The following PSG7 variants were observed in gnomAD, a reference collection of about 807,000 sequenced individuals.
The protein encoded by PSG7 is pregnancy specific beta-1-glycoprotein 7, also known as pregnancy-specific beta-1-glycoprotein 7.
In PSG7, 57 loss-of-function variants were observed where a neutral mutation model predicts 45.6. The ratio of observed to expected loss-of-function variants is 1.25; its 90% CI spans 1.01 to 1.56. PSG7 has a LOEUF of 1.56. Ranked by LOEUF, PSG7 falls within the 40% of genes most tolerant of loss-of-function variation. The pLI, the probability that PSG7 is intolerant of heterozygous loss-of-function variation, is 0.00. For synonymous variants in PSG7, 298 were observed against 194.4 expected (o/e 1.53, Z -4.43); for missense variants, 796 against 508.4 (o/e 1.57, Z -5.44).
At position 42,925,854 on chromosome 19, in the gene PSG7, G is replaced by A; in HGVS notation, c.1162C>T (p.His388Tyr). ...ACAGAGCAAGCATAGAGCCCGCTAT[G>A]CTTTGTAGTAATCTGGGGGATAGAA... The part of the protein sequence containing the change: ...KLSIPQITTK[H>Y]SGLYACSVRN... The change falls in exon 5 of 6, where the codon CAT (histidine) becomes TAT (tyrosine). Residue 388 changes from histidine to tyrosine, a missense_variant. His to Tyr is a moderately conservative substitution (Grantham distance 83). Transcript: ENST00000406070. The A allele has an allele frequency of 1.2e-6, 2 of 1,612,080 alleles. No homozygotes were observed. The highest frequency in any genetic ancestry group is 1.7e-6 in the Non-Finnish European group (2 of 1,179,074).
At chr19:42,934,028 T>A (rs73553550) in intron 2 of PSG7, among the ~76,000 whole-genome samples, 1 of 151,202 alleles carries the variant, frequency 6.6e-6, no homozygotes, top group African/African-American at 2.4e-5. Flanking sequence ...TCAATTCCTT[T>A]ATTTGTTATG....
chr19:42,929,725 G>A lies in PSG7; in HGVS notation c.431-5C>T, dbSNP rs201771799. The stretch of plus-strand genomic sequence containing the variant: ...TGGAGGGTTTGGGAGTCTCCACTGT[G>A]CGGAAAACAGAGAGAAGATTGCCCT... On this transcript the variant is annotated splice_polypyrimidine_tract_variant and splice_region_variant and intron_variant, in intron 2 of 5. Transcript: ENST00000406070. The A allele has an allele frequency of 4.3e-5, 70 of 1,610,176 alleles. 2 individuals are homozygous for A. Among genetic ancestry groups the A allele is most frequent in the Admixed American group, 1.8e-4 (11 of 59,726 alleles).
chr19:42,929,464 G>T lies in PSG7; in HGVS notation c.687C>A (p.Asp229Glu). 6.2e-7 allele frequency: 1 copy of T among 1,612,592 alleles called. No homozygotes were observed. Among genetic ancestry groups the T allele is most frequent in the Non-Finnish European group, 8.5e-7 (1 of 1,179,176 alleles). The change falls in exon 3 of 6, where the codon GAC (aspartate) becomes GAA (glutamate). Residue 229 changes from aspartate (D) to glutamate (E), a missense_variant. By Grantham distance (45) the Asp-to-Glu change is conservative (BLOSUM62 2). Coordinates refer to ENST00000406070, the MANE Select transcript of PSG7 (RefSeq NM_002783.3). ...IRNPVSASRS[D>E]PVTLNLLPKL... Reference sequence around the variant, plus strand: ...CACGGAGGAGATTCAGGGTGACTGGGTCACTGCGGCTGGCACTCACTGGGT... The same window carrying T: ...CACGGAGGAGATTCAGGGTGACTGGTTCACTGCGGCTGGCACTCACTGGGT...
Position 42,925,806 on chromosome 19 carries a change from C to G in PSG7, c.1210G>C (p.Glu404Gln). The G allele has an allele frequency of 6.2e-7, 1 of 1,612,072 alleles. No individual in the cohort carries two copies. ...CSVRNSATGK[E>Q]SSKSVTVRVS... ...CTGACTGTCACGGATTTGGAGCTTT[C>G]CTTGCCAGTGGCTGAGTTACGAACA... The change falls in exon 5 of 6, where the codon GAA becomes CAA. Residue 404 changes from glutamate (E) to glutamine (Q), a missense_variant. Coordinates refer to ENST00000406070, the MANE Select transcript of PSG7 (RefSeq NM_002783.3).
Position 42,926,480 on chromosome 19 carries a change from A to C in PSG7, c.946T>G (p.Tyr316Asp), listed in dbSNP as rs368588330. ...GPYQCEIRDR[Y>D]GGIRSDPVTL... ...ACTGGGTCACTGCGGATGCCACCAT[A>C]TCGGTCCCGTATTTCACATTGATAG... Residue 316 changes from tyrosine to aspartate, a missense_variant, in exon 4 of 6, where the codon TAT becomes GAT. By Grantham distance (160) the Tyr-to-Asp change is radical. Coordinates refer to ENST00000406070, the MANE Select transcript of PSG7 (RefSeq NM_002783.3). 4 of 1,611,526 alleles carry C rather than the reference A, an allele frequency of 2.5e-6. 1 individual carries two copies. Among genetic ancestry groups the C allele is most frequent in the Admixed American group, 3.3e-5 (2 of 59,836 alleles).
intron 3 of PSG7, 108 bp from the exon 4 acceptor site, chr19:42,926,824 T>C (rs1426498795): frequency 2.6e-6 from 4 of 1,525,590 alleles, no homozygotes; most frequent in Non-Finnish European, 3.5e-6. Flanking sequence ...GTGTGAGTCC[T>C]TGAAAGCCAA....
At chr19:42,933,437 G>T (rs1156329310) in intron 2 of PSG7, among the ~76,000 whole-genome samples, 4 of 147,226 alleles carry the variant, frequency 2.7e-5, no homozygotes, top group African/African-American at 1.0e-4. Flanking sequence ...CTCACAAAGT[G>T]AAAGAGCCCT....
In PSG7 at chr19:42,935,393, G is replaced by T. The variant is rs1309679272; in HGVS notation, c.430+11C>A. On this transcript the variant is annotated intron_variant, in intron 2 of 5. Transcript: ENST00000406070. ...CCCCCCAACACCCAGGGACCATGTG[G>T]AATCACTCACGGTATAAGGTGAAGG... The T allele has an allele frequency of 1.2e-6, 2 of 1,611,256 alleles. No homozygotes were observed. Among genetic ancestry groups the T allele is most frequent in the South Asian group, 1.1e-5 (1 of 90,602 alleles).
At chr19:42,936,843 T>C (rs1181231520) in intron 1 of PSG7, among the ~76,000 whole-genome samples, 170 bp downstream of exon 1, 1 of 151,452 alleles carries the variant, frequency 6.6e-6, no homozygotes, top group East Asian at 1.9e-4. Flanking sequence ...CAGACAGGGC[T>C]ACATTGTGTT....
intron 2 of PSG7, among the ~76,000 whole-genome samples, chr19:42,930,914 T>A (rs1973007037): frequency 6.6e-6 from 1 of 151,680 alleles, no homozygotes; most frequent in Admixed American, 6.6e-5. Context: ...GTGTTTTCAA[T>A]TTCTAATTTT....
At chr19:42,927,890 A>G (rs1972930856) in intron 3 of PSG7, among the ~76,000 whole-genome samples, 1 of 151,620 alleles carries the variant, frequency 6.6e-6, no homozygotes, top group South Asian at 2.1e-4. Context: ...TTATGCCTAC[A>G]ACTTAGGACA....
At chr19:42,930,694 A>G (rs1201899603) in intron 2 of PSG7, among the ~76,000 whole-genome samples, 1 of 151,462 alleles carries the variant, frequency 6.6e-6, no homozygotes, top group African/African-American at 2.4e-5. Context: ...GAGTTTGACT[A>G]CTCTATGTAC....
In PSG7 at chr19:42,926,997, T is replaced by C. The variant is rs189527290; in HGVS notation, c.710-281A>G. 9.1e-6 allele frequency: 5 copies of C among 548,756 alleles called. No homozygotes were observed. The East Asian group carries it at 1.3e-4, about 15-fold the overall frequency. 34.0% of individuals were successfully genotyped at this position (548,756 alleles called of 1,614,324 possible). ...TGTCAGTGGGAGTCACAGCGCCTGG[T>C]ACCCCTCCCAGTCCCTCACTAATGA... On this transcript the variant is annotated intron_variant, in intron 3 of 5. Transcript: ENST00000406070.
chr19:42,932,797 G>T (rs1973048336), intron 2 of PSG7, among the ~76,000 whole-genome samples: 1 of 151,558 alleles, frequency 6.6e-6, no homozygotes, highest in African/African-American at 2.4e-5. Context: ...ATGAGATTTA[G>T]ATTATAAGAG....
rs1973030514 is a variant in PSG7 at position 42,931,978 on chromosome 19, G to T, written c.431-2258C>A. ...CAAGCTAGGTATTCTTTCCACAGCTGTGTGCAGTCTACCAGTAAGCATCAA... is the reference window on the plus strand; with the variant it reads ...CAAGCTAGGTATTCTTTCCACAGCTTTGTGCAGTCTACCAGTAAGCATCAA... On this transcript the variant is annotated intron_variant, in intron 2 of 5. Transcript: ENST00000406070. Among the ~76,000 whole-genome samples the T allele has an allele frequency of 2.0e-5, 3 of 151,574 alleles. No homozygotes were observed. The South Asian group carries it at 6.3e-4, about 32-fold the overall frequency.
chr19:42,931,392 A>C lies in PSG7; in HGVS notation c.431-1672T>G, dbSNP rs1448471115. On this transcript the variant is annotated intron_variant, in intron 2 of 5. Transcript: ENST00000406070. Reference sequence around the variant, plus strand: ...GTAGAGAGAGTCCCGTTAAAAGGACAGAACTGGTCAGTGCATCAATTACAT... The same window carrying C: ...GTAGAGAGAGTCCCGTTAAAAGGACCGAACTGGTCAGTGCATCAATTACAT... Among the ~76,000 whole-genome samples the C allele has an allele frequency of 2.0e-4, 30 of 151,724 alleles. No individual in the cohort carries two copies. The East Asian group carries it at 2.9e-3, about 15-fold the overall frequency.
Position 42,929,600 on chromosome 19 carries a change from C to A in PSG7, c.551G>T (p.Gly184Val). The A allele has an allele frequency of 6.2e-7, 1 of 1,612,546 alleles. No homozygotes were observed. Among genetic ancestry groups the A allele is most frequent in the Non-Finnish European group, 8.5e-7 (1 of 1,179,230 alleles). Residue 184 changes from glycine (G) to valine (V), a missense_variant, in exon 3 of 6, where the codon GGT becomes GTT. Physicochemically the swap from Gly to Val is moderately radical, Grantham distance 109 (BLOSUM62 -3). Coordinates refer to ENST00000406070, the MANE Select transcript of PSG7 (RefSeq NM_002783.3). ...GCTGTGAGTCATAGGGAGGCTCTGACCATTCATCCACCACAGGTAGCTTGC... is the reference window on the plus strand; with the variant it reads ...GCTGTGAGTCATAGGGAGGCTCTGAACATTCATCCACCACAGGTAGCTTGC... Reference protein sequence around the residue: ...PDASYLWWMNGQSLPMTHSLQ... With the variant: ...PDASYLWWMNVQSLPMTHSLQ...
Position 42,930,593 on chromosome 19 carries a change from G to A in PSG7, c.431-873C>T, listed in dbSNP as rs1972998625. 4.0e-5 allele frequency among the ~76,000 whole-genome samples: 6 copies of A among 151,838 alleles called. No individual in the cohort carries two copies. The South Asian group carries it at 8.4e-4, about 21-fold the overall frequency. On this transcript the variant is annotated intron_variant, in intron 2 of 5. Coordinates refer to ENST00000406070, the MANE Select transcript of PSG7 (RefSeq NM_002783.3). ...CTGATGATGGAAGTCTGGTCCTCATGGACCATATGTGTTTGGTGGATATTA... is the reference window on the plus strand; with the variant it reads ...CTGATGATGGAAGTCTGGTCCTCATAGACCATATGTGTTTGGTGGATATTA...
chr19:42,927,116 A>G, intron 3 of PSG7: 1 of 249,008 alleles, frequency 4.0e-6, no homozygotes, highest in Non-Finnish European at 7.7e-6. Flanking sequence ...CCTAGATGTG[A>G]TTTCTCTGCA....
Sources: gnomAD v4.1 joint callset for allele counts (sites outside exome capture counted in the v4.1 genomes callset) on GRCh38, gnomAD v4.1.1 for gene constraint, MANE v1.5 for transcripts, NCBI Gene and HGNC (gene_info 2026-07-23, HGNC 2026-07-21) for gene names.